Variants in PLK5 observed in about 807,000 individuals in gnomAD.
PLK5 encodes polo like kinase 5 (inactive).
A neutral mutation model predicts 33.7 loss-of-function variants in PLK5; 28 were observed. The ratio of observed to expected loss-of-function variants is 0.83; its 90% CI spans 0.62 to 1.14. The LOEUF (loss-of-function observed/expected upper bound fraction) is 1.14. PLK5 is among the 50% of genes most tolerant of loss of function. PLK5 has a pLI of 0.00. For missense variants in PLK5, 492 were observed against 461.5 expected (o/e 1.07, Z -0.61); for synonymous variants, 225 against 202.2 (o/e 1.11, Z -0.96).
intron 9 of PLK5, 68 bp from the exon 10 acceptor site, chr19:1,529,338 C>T: frequency 4.4e-6 from 6 of 1,363,674 alleles, no homozygotes; most frequent in Non-Finnish European, 5.0e-6. Context: ...CAGAGCCTGC[C>T]ACCCACCTCA....
At chr19:1,527,696 C>G (rs998910183) in intron 6 of PLK5, among the ~76,000 whole-genome samples, 2 of 149,626 alleles carry the variant, frequency 1.3e-5, no homozygotes, top group African/African-American at 5.1e-5. Context: ...TGGTGTCCAC[C>G]AAGCAGGGTC....
chr19:1,532,592 G>GGCTCAC (rs751211375), intron 12 of PLK5, among the ~76,000 whole-genome samples: 40 of 149,224 alleles, frequency 2.7e-4, no homozygotes, highest in Non-Finnish European at 5.6e-4. Context: ...GCGCAATCTC[G>GGCTCAC]GCTCACTGCA....
chr19:1,531,813 G>A lies in PLK5; in HGVS notation c.644G>A (p.Gly215Asp). 6.5e-7 allele frequency: 1 copy of A among 1,535,078 alleles called. No homozygotes were observed. Among genetic ancestry groups the A allele is most frequent in the Non-Finnish European group, 8.7e-7 (1 of 1,146,396 alleles). ...PKWVDYSSKY[G>D]FGYQLLDGGR... is the part of the protein sequence containing the mutation. ...TGGGTGGATTATTCCAGCAAATACG[G>A]CTTTGGCTACCAGCTCTTGGACGGG... The change falls in exon 12 of 14, where the codon GGC becomes GAC. Residue 215 changes from glycine to aspartate, a missense_variant. By Grantham distance (94) the Gly-to-Asp change is moderately conservative (BLOSUM62 -1). Transcript: ENST00000454744.
chr19:1,534,020 G>C lies in PLK5; in HGVS notation c.804G>C (p.Leu268=). The C allele has an allele frequency of 6.5e-7, 1 of 1,535,692 alleles. No individual in the cohort carries two copies. Among genetic ancestry groups the C allele is most frequent in the Admixed American group, 2.0e-5 (1 of 50,994 alleles). The change falls in exon 13 of 14, where the codon CTG becomes CTC. Residue 268 remains leucine, a synonymous_variant. Transcript: ENST00000454744. ...FLASEHALLL[L]FSNGMVQVSF... is the part of the protein sequence containing the mutation. ...CCTCTGAGCACGCCCTGCTGCTGCT[G>C]TTCAGCAATGGGATGGTGCAGGTGA... is the stretch of plus-strand genomic sequence containing the variant.
chr19:1,531,516 A>G (rs887940301), intron 11 of PLK5, among the ~76,000 whole-genome samples: 28 of 152,228 alleles, frequency 1.8e-4, no homozygotes, highest in African/African-American at 6.5e-4. Flanking sequence ...GGGGTGCGCC[A>G]GTATCCCACA....
rs1475210875 is a variant in PLK5, at chr19:1,531,852, G to A, written c.683G>A (p.Arg228Gln). 15 of 1,521,212 alleles carry A rather than the reference G, an allele frequency of 9.9e-6. No individual in the cohort carries two copies. The highest frequency in any genetic ancestry group is 2.0e-5 in the Admixed American group (1 of 49,560). 94.2% of individuals were successfully genotyped at this position (1,521,212 alleles called of 1,614,324 possible). ...CTCTTGGACGGGGGGCGCACGGGAC[G>A]GCACCCACATGGCCCTGCGACCCCC... ...YQLLDGGRTGRHPHGPATPRR... is the reference protein window; with the variant it reads ...YQLLDGGRTGQHPHGPATPRR... The change falls in exon 12 of 14, where the codon CGG (arginine) becomes CAG (glutamine). Residue 228 changes from arginine (R) to glutamine (Q), a missense_variant. Arg to Gln is a conservative substitution (Grantham distance 43, BLOSUM62 1). Transcript: ENST00000454744.
At chr19:1,532,887 C>A (rs265288) in intron 12 of PLK5, among the ~76,000 whole-genome samples, 97,194 of 150,758 alleles carry the variant, frequency 0.64, 31,491 homozygotes, top group Middle Eastern at 0.82. Context: ...AGGATGGTCT[C>A]GATCTCCTGA....
intron 12 of PLK5, among the ~76,000 whole-genome samples, chr19:1,532,138 G>A (rs1279512857): frequency 6.6e-6 from 1 of 152,194 alleles, no homozygotes; most frequent in Non-Finnish European, 1.5e-5. Context: ...AGAAAGTGAC[G>A]TGAATGACAA....
At chr19:1,531,209 A>G (rs1488086835) in intron 11 of PLK5, among the ~76,000 whole-genome samples, 1 of 151,804 alleles carries the variant, frequency 6.6e-6, no homozygotes, top group Middle Eastern at 3.2e-3. Context: ...AGGAGATCGA[A>G]ACCATCCTGG....
chr19:1,529,751 C>T lies in PLK5; in HGVS notation c.495C>T (p.Pro165=), dbSNP rs991910057. 78 of 1,535,882 alleles carry T rather than the reference C, an allele frequency of 5.1e-5. No homozygotes were observed. Among genetic ancestry groups the T allele is most frequent in the Non-Finnish European group, 6.3e-5 (72 of 1,146,848 alleles). Reference sequence around the variant, plus strand: ...CACAAAGACCTGTCTTCCCAGGGCCCGAGGGGAGCCGGCGGCCAGAGGTGG... The same window carrying T: ...CACAAAGACCTGTCTTCCCAGGGCCTGAGGGGAGCCGGCGGCCAGAGGTGG... ...QGTLQSDLAG[P]EGSRRPEVEA... The change falls in exon 11 of 14, where the codon CCC becomes CCT. Residue 165 remains proline, a synonymous_variant. Transcript: ENST00000454744.
At chr19:1,534,134 T>A in intron 13 of PLK5, 93 bp downstream of exon 13, 1 of 897,394 alleles carries the variant, frequency 1.1e-6, no homozygotes, top group Non-Finnish European at 1.7e-6. Context: ...GGGGGAGCCT[T>A]AGGAAGCATT....
In PLK5 at chr19:1,531,809, T is replaced by C. The variant is rs1461529086; in HGVS notation, c.640T>C (p.Tyr214His). The part of the protein sequence containing the change: ...APKWVDYSSK[Y>H]GFGYQLLDGG... ...CAAATGGGTGGATTATTCCAGCAAA[T>C]ACGGCTTTGGCTACCAGCTCTTGGA... The change falls in exon 12 of 14, where the codon TAC becomes CAC. Residue 214 changes from tyrosine (Y) to histidine (H), a missense_variant. Coordinates refer to ENST00000454744, the MANE Select transcript of PLK5 (RefSeq NM_001243079.2). 1.3e-6 allele frequency: 2 copies of C among 1,535,238 alleles called. No individual in the cohort carries two copies. Among genetic ancestry groups the C allele is most frequent in the Non-Finnish European group, 1.7e-6 (2 of 1,146,450 alleles).
chr19:1,527,340 G>A (rs1006476190), intron 6 of PLK5, among the ~76,000 whole-genome samples: 7 of 152,076 alleles, frequency 4.6e-5, no homozygotes, highest in Admixed American at 4.6e-4. Context: ...AGTGACTCAC[G>A]CCTGTAATCC....
In PLK5 at chr19:1,526,955, G is replaced by A. The variant is rs573644453; in HGVS notation, c.-42G>A. On this transcript the variant is annotated 5_prime_UTR_variant, in exon 6 of 14. Coordinates refer to ENST00000454744, the MANE Select transcript of PLK5 (RefSeq NM_001243079.2). ...GGACCCTGAGGTTGTCTCCAGAAACGGTCACTCCTGCCAGTAGGACATCTG... is the reference window on the plus strand; with the variant it reads ...GGACCCTGAGGTTGTCTCCAGAAACAGTCACTCCTGCCAGTAGGACATCTG... The A allele has an allele frequency of 2.8e-5, 43 of 1,535,380 alleles. No homozygotes were observed. The highest frequency in any genetic ancestry group is 2.2e-4 in the African/African-American group (16 of 73,070).
intron 5 of PLK5, 24 bp downstream of exon 5, chr19:1,526,815 G>A: frequency 2.7e-6 from 2 of 745,894 alleles, no homozygotes; most frequent in South Asian, 3.3e-5. Flanking sequence ...GGAGGGCTCT[G>A]AGCAGTCCGT....
chr19:1,528,869 C>T lies in PLK5; in HGVS notation c.329-29C>T, dbSNP rs1031537832. ...CCCCCAGCTTGGGGCCCAGGCTGTG[C>T]CCCCTCCAAGGCCTTGTGCCTCCCT... On this transcript the variant is annotated intron_variant, in intron 8 of 13. Transcript: ENST00000454744. The T allele has an allele frequency of 3.4e-6, 5 of 1,475,852 alleles. No individual in the cohort carries two copies. The African/African-American group carries it at 4.3e-5, about 13-fold the overall frequency. 91.4% of individuals were successfully genotyped at this position (1,475,852 alleles called of 1,614,324 possible). A position where few individuals can be genotyped will look rare whatever the true frequency, so the allele number is the denominator to read the frequency against.
In PLK5 at chr19:1,535,116, G is replaced by T. The variant is rs1024956170; in HGVS notation, c.877G>T (p.Gly293Cys). 2.6e-6 allele frequency: 4 copies of T among 1,535,408 alleles called. No individual in the cohort carries two copies. In the African/African-American group the frequency reaches 5.5e-5, roughly 21 times the overall value. ...ACTGGTGCTGAGTGGCGAGGGTGAG[G>T]GTTTGCAGCTCACCCTCTGGGAGCA... The part of the protein sequence containing the change: ...AQLVLSGEGE[G>C]LQLTLWEQGS... The change falls in exon 14 of 14, where the codon GGT (glycine) becomes TGT (cysteine). Residue 293 changes from glycine (G) to cysteine (C), a missense_variant. By Grantham distance (159) the Gly-to-Cys change is radical. Transcript: ENST00000454744.
intron 12 of PLK5, 192 bp from the exon 13 acceptor site, chr19:1,533,739 A>C: frequency 1.7e-6 from 1 of 605,738 alleles, no homozygotes; most frequent in Non-Finnish European, 2.9e-6. Flanking sequence ...TACATGCCCA[A>C]CTGCGGGAGG....
chr19:1,527,044 A>C (rs1913761856), intron 6 of PLK5, 46 bp downstream of exon 6: 65 of 596,342 alleles, frequency 1.1e-4, no homozygotes, highest in Non-Finnish European at 1.4e-4. Context: ...CGGGGGGGGC[A>C]GGTGTGGCGG....
Sources: gnomAD v4.1 joint callset for allele counts (sites outside exome capture counted in the v4.1 genomes callset) on GRCh38, gnomAD v4.1.1 for gene constraint, MANE v1.5 for transcripts, NCBI Gene and HGNC (gene_info 2026-07-23, HGNC 2026-07-21) for gene names.